Variants in SDC3 observed in about 807,000 individuals in gnomAD.
SDC3 encodes the protein syndecan 3.
SDC3 carries 13 observed loss-of-function variants against 24.4 expected under a neutral mutation model. The observed-to-expected ratio is 0.53, with a 90% CI of 0.35 to 0.85. SDC3 has a LOEUF of 0.85. Ranked by LOEUF, SDC3 falls within the 40% of genes least tolerant of loss-of-function variation. The pLI is 0.01. For missense variants in SDC3, 571 were observed against 584.5 expected, an observed-to-expected ratio of 0.98 and a Z score of 0.24; for synonymous variants, 295 against 260.9, an observed-to-expected ratio of 1.13 and a Z score of -1.26.
rs1437499603 is a variant in SDC3 at position 30,894,563 on chromosome 1, AGT to A, written c.138+13884_138+13885del. The stretch of plus-strand genomic sequence containing the variant: ...GCGTGGATGAGTGTGTGTGGGTGAG[AGT>A]GTGTGGGTGTATGTGTGGGCTACGT... On this transcript the variant is annotated intron_variant, in intron 1 of 4. Transcript: ENST00000339394. Among the ~76,000 whole-genome samples, 28 of 114,418 alleles carry A rather than the reference AGT, an allele frequency of 2.4e-4. 1 individual carries two copies. The highest frequency in any genetic ancestry group is 7.3e-4 in the African/African-American group (20 of 27,334). 75.1% of individuals were successfully genotyped at this position (114,418 alleles called of 152,430 possible).
chr1:30,902,399 G>A (rs893841959), intron 1 of SDC3, among the ~76,000 whole-genome samples: 19 of 152,330 alleles, frequency 1.2e-4, no homozygotes, highest in Admixed American at 9.8e-4. Flanking sequence ...GGCCGGAAGT[G>A]AAGGCCACCA....
rs1638582096 is a variant in SDC3 at position 30,908,586 on chromosome 1, TGGCGGCGGCGCGGGCGCGGGCGGCG to T, written c.-25_-1del. 3.1e-6 allele frequency: 3 copies of T among 972,004 alleles called. No individual in the cohort carries two copies. The highest frequency in any genetic ancestry group is 6.5e-5 in the Admixed American group (1 of 15,334). The allele number at this position is 972,004 out of a possible 1,614,324, so 60.2% of individuals were successfully genotyped here. On this transcript the variant is annotated 5_prime_UTR_variant, in exon 1 of 5. Transcript: ENST00000339394. ...GCACGGTGCGGCGGCCCCGGCTTCATGGCGGCGGCGCGGGCGCGGGCGGCGGGCGGCGGGCGGGCGCCTTTGTTCC... is the reference window on the plus strand; with the variant it reads ...GCACGGTGCGGCGGCCCCGGCTTCATGGCGGCGGGCGGGCGCCTTTGTTCC...
chr1:30,885,940 G>A lies in SDC3; in HGVS notation c.139-7200C>T, dbSNP rs72657252. Among the ~76,000 whole-genome samples the A allele has an allele frequency of 7.9e-3, 1,208 of 152,258 alleles. 13 individuals are homozygous for A. The highest frequency in any genetic ancestry group is 0.011 in the Non-Finnish European group (755 of 68,000). The stretch of plus-strand genomic sequence containing the variant: ...CCCCTCCTCAACCCAGGGCTGGGAC[G>A]CCTCCGTCACCGCCCCATCAATCCC... On this transcript the variant is annotated intron_variant, in intron 1 of 4. Coordinates refer to ENST00000339394, the MANE Select transcript of SDC3 (RefSeq NM_014654.4).
chr1:30,890,667 C>T (rs778312461), intron 1 of SDC3, among the ~76,000 whole-genome samples: 1 of 152,144 alleles, frequency 6.6e-6, no homozygotes, highest in Non-Finnish European at 1.5e-5. Context: ...GCTGTTGTTT[C>T]AAAAATAACA....
chr1:30,884,989 C>CT (rs1311009742), intron 1 of SDC3, among the ~76,000 whole-genome samples: 1 of 151,974 alleles, frequency 6.6e-6, no homozygotes, highest in Non-Finnish European at 1.5e-5. Flanking sequence ...TCATAGAAGG[C>CT]TTTTTTTTAC....
At chr1:30,889,406 C>T (rs144225507) in intron 1 of SDC3, among the ~76,000 whole-genome samples, 52 of 152,256 alleles carry the variant, frequency 3.4e-4, no homozygotes, top group African/African-American at 1.2e-3. Flanking sequence ...GTGGTCAGCA[C>T]GTACAAATTC....
At chr1:30,881,017 G>A (rs1253575915) in intron 1 of SDC3, among the ~76,000 whole-genome samples, 8 of 138,206 alleles carry the variant, frequency 5.8e-5, no homozygotes, top group East Asian at 2.1e-4. Context: ...CAAGACACGC[G>A]CGCACGCATG....
intron 1 of SDC3, among the ~76,000 whole-genome samples, chr1:30,882,699 G>A (rs1209742845): frequency 6.6e-6 from 1 of 152,162 alleles, no homozygotes; most frequent in Non-Finnish European, 1.5e-5. Flanking sequence ...GAAGGCCAGT[G>A]CATCCCTCCC....
intron 1 of SDC3, among the ~76,000 whole-genome samples, chr1:30,884,371 C>A (rs892235784): frequency 1.3e-5 from 2 of 152,070 alleles, no homozygotes; most frequent in Non-Finnish European, 2.9e-5. Context: ...CCTATCCCCA[C>A]CCCCTACTCC....
intron 1 of SDC3, among the ~76,000 whole-genome samples, chr1:30,895,553 G>A (rs1162814041): frequency 6.6e-6 from 1 of 152,240 alleles, no homozygotes; most frequent in South Asian, 2.1e-4. Flanking sequence ...CTCCTCATCT[G>A]AACAGCAAGG....
intron 1 of SDC3, among the ~76,000 whole-genome samples, chr1:30,882,420 C>G (rs1570003402): frequency 2.0e-5 from 3 of 152,268 alleles, no homozygotes; most frequent in African/African-American, 7.2e-5. Flanking sequence ...CCAGGCCCAG[C>G]AGTGACCCAC....
At chr1:30,875,178 T>A (rs754251533) in intron 3 of SDC3, among the ~76,000 whole-genome samples, 22 of 152,164 alleles carry the variant, frequency 1.4e-4, no homozygotes, top group Non-Finnish European at 2.8e-4. Flanking sequence ...CTGGGAATGA[T>A]GAGACCAAAG....
intron 1 of SDC3, among the ~76,000 whole-genome samples, chr1:30,898,278 TC>T (rs539415024): frequency 2.1e-4 from 32 of 152,126 alleles, no homozygotes; most frequent in African/African-American, 7.5e-4. Context: ...TCCATCCTAG[TC>T]CCCCTATCAA....
intron 1 of SDC3, among the ~76,000 whole-genome samples, chr1:30,905,696 C>T (rs1638505700): frequency 1.3e-5 from 2 of 152,054 alleles, no homozygotes; most frequent in Non-Finnish European, 2.9e-5. Flanking sequence ...TTTGAAAGAA[C>T]ATGTTTCAAA....
upstream of SDC3, among the ~76,000 whole-genome samples, chr1:30,909,178 C>T (rs1011352390): frequency 6.6e-6 from 1 of 152,220 alleles, no homozygotes; most frequent in Admixed American, 6.5e-5. Context: ...GGACTCCCAT[C>T]GTCACCCTCA....
rs918711315 is a variant in SDC3 at position 30,908,647 on chromosome 1, C to G, written c.-61G>C. 5 of 633,346 alleles carry G rather than the reference C, an allele frequency of 7.9e-6. 1 individual carries two copies. The Admixed American group carries it at 2.6e-4, about 33-fold the overall frequency. The allele number at this position is 633,346 out of a possible 1,614,324, so 39.2% of individuals were successfully genotyped here. Reference sequence around the variant, plus strand: ...GGGCGCCTTTGTTCCCGAGGCGCGGCGCGCGGGGCGGCTGCTTGGCGGCGG... The same window carrying G: ...GGGCGCCTTTGTTCCCGAGGCGCGGGGCGCGGGGCGGCTGCTTGGCGGCGG... On this transcript the variant is annotated 5_prime_UTR_variant, in exon 1 of 5. Coordinates refer to ENST00000339394, the MANE Select transcript of SDC3 (RefSeq NM_014654.4).
intron 4 of SDC3, among the ~76,000 whole-genome samples, chr1:30,873,591 C>T (rs1046944002): frequency 6.6e-6 from 1 of 152,094 alleles, no homozygotes; most frequent in African/African-American, 2.4e-5. Context: ...ACTCACTGAA[C>T]CCTCACACCA....
At chr1:30,876,274 A>G (rs1569991157) in intron 3 of SDC3, among the ~76,000 whole-genome samples, 1 of 151,820 alleles carries the variant, frequency 6.6e-6, no homozygotes, top group South Asian at 2.1e-4. Flanking sequence ...CAACCGAAAC[A>G]CTCAGCCCGG....
At chr1:30,873,895 C>T (rs536269524) in intron 4 of SDC3, among the ~76,000 whole-genome samples, 100 of 152,140 alleles carry the variant, frequency 6.6e-4, no homozygotes, top group Admixed American at 2.3e-3. Flanking sequence ...TCCCTAGATG[C>T]GGCCAGGGCA....
Sources: gnomAD v4.1 joint callset for allele counts (sites outside exome capture counted in the v4.1 genomes callset) on GRCh38, gnomAD v4.1.1 for gene constraint, MANE v1.5 for transcripts, NCBI Gene and HGNC (gene_info 2026-07-23, HGNC 2026-07-21) for gene names.